Variants in XPNPEP1 observed in about 807,000 individuals in gnomAD.
XPNPEP1 encodes the protein X-prolyl aminopeptidase 1, also known as xaa-Pro aminopeptidase 1.
Under a neutral mutation model 92.4 loss-of-function variants are expected in XPNPEP1, and 39 were observed. The observed-to-expected ratio is 0.42, with a 90% CI of 0.33 to 0.55. The LOEUF (loss-of-function observed/expected upper bound fraction) is 0.55, where lower values mean the gene tolerates loss of function less well. XPNPEP1 is among the 20% of genes least tolerant of loss of function. The pLI, the probability that XPNPEP1 is intolerant of heterozygous loss-of-function variation, is 0.08. For missense variants in XPNPEP1, 654 were observed against 856.1 expected (o/e 0.76, Z 2.95); for synonymous variants, 307 against 299.4 (o/e 1.03, Z -0.26).
At chr10:109,902,379 G>A (rs1849331886) in intron 3 of XPNPEP1, among the ~76,000 whole-genome samples, 5 of 152,250 alleles carry the variant, frequency 3.3e-5, no homozygotes, top group Admixed American at 3.3e-4. Flanking sequence ...GACCCAGAAA[G>A]TTTAATTGAC....
At chr10:109,901,175 T>C (rs1849268608) in intron 3 of XPNPEP1, among the ~76,000 whole-genome samples, 1 of 145,470 alleles carries the variant, frequency 6.9e-6, no homozygotes, top group Non-Finnish European at 1.5e-5. Context: ...GAGCAAACTA[T>C]CGCAAGGACA....
At chr10:109,865,532 A>G (rs1405164184) in intron 20 of XPNPEP1, among the ~76,000 whole-genome samples, 3 of 152,214 alleles carry the variant, frequency 2.0e-5, no homozygotes, top group Admixed American at 6.5e-5. Flanking sequence ...AAAGGCTCCC[A>G]GAACAGTTTA....
chr10:109,905,107 T>C (rs1849486959), intron 3 of XPNPEP1, among the ~76,000 whole-genome samples: 1 of 152,156 alleles, frequency 6.6e-6, no homozygotes, highest in South Asian at 2.1e-4. Flanking sequence ...CTGTCATATG[T>C]TACAACATGG....
intron 3 of XPNPEP1, among the ~76,000 whole-genome samples, chr10:109,897,914 A>G (rs1270340538): frequency 6.6e-6 from 1 of 152,114 alleles, no homozygotes; most frequent in Non-Finnish European, 1.5e-5. Context: ...TCGACCTCCC[A>G]AAGTGCTGGG....
intron 10 of XPNPEP1, among the ~76,000 whole-genome samples, chr10:109,882,209 C>T (rs1165081448): frequency 6.6e-6 from 1 of 152,088 alleles, no homozygotes; most frequent in Non-Finnish European, 1.5e-5. Context: ...ATAATGTGTA[C>T]CACCTAAAAT....
intron 18 of XPNPEP1, 53 bp downstream of exon 18, chr10:109,870,678 C>T: frequency 2.6e-6 from 4 of 1,537,826 alleles, no homozygotes; most frequent in Non-Finnish European, 2.6e-6. Flanking sequence ...CAACGAATAG[C>T]TTTCAAAAAG....
chr10:109,913,227 G>A (rs1005138274), intron 2 of XPNPEP1, among the ~76,000 whole-genome samples: 2 of 152,218 alleles, frequency 1.3e-5, no homozygotes, highest in East Asian at 1.9e-4. Context: ...ATTTTTCACT[G>A]ATTGTACATG....
intron 3 of XPNPEP1, among the ~76,000 whole-genome samples, chr10:109,902,288 T>A (rs190419681): frequency 3.0e-4 from 45 of 152,384 alleles, no homozygotes; most frequent in African/African-American, 9.6e-4. Flanking sequence ...ATCTACAGTA[T>A]GAACCCATTT....
intron 3 of XPNPEP1, among the ~76,000 whole-genome samples, chr10:109,902,351 T>C (rs1419925760): frequency 6.6e-6 from 1 of 152,248 alleles, no homozygotes; most frequent in African/African-American, 2.4e-5. Context: ...ATCTCCTTTT[T>C]GCGAATGCAG....
intron 15 of XPNPEP1, 178 bp from the exon 16 acceptor site, chr10:109,873,605 T>C (rs1001795315): frequency 6.5e-6 from 4 of 614,600 alleles, no homozygotes; most frequent in Non-Finnish European, 8.5e-6. Flanking sequence ...AGTCACCATA[T>C]GACCCAGTAA....
At chr10:109,893,214 T>G (rs551267241) in intron 3 of XPNPEP1, 139 bp from the exon 4 acceptor site, 371 of 696,806 alleles carry the variant, frequency 5.3e-4, no homozygotes, top group Non-Finnish European at 7.6e-4. Flanking sequence ...AAGCCAACAG[T>G]CTAGCTGAAA....
chr10:109,888,556 C>T lies in XPNPEP1; in HGVS notation c.455G>A (p.Ser152Asn), dbSNP rs1386184000. The T allele has an allele frequency of 1.2e-6, 2 of 1,611,402 alleles. No homozygotes were observed. Among genetic ancestry groups the T allele is most frequent in the Non-Finnish European group, 8.5e-7 (1 of 1,178,796 alleles). ...AACCCTGGATCCTTCAGGAAGCACA[C>T]TCACCAGCCAGTCTTCCTGAGTTGG... ...DTPTQEDWLV[S>N]VLPEGSRVGV... Residue 152 changes from serine to asparagine, a missense_variant, in exon 6 of 21, where the codon AGT becomes AAT. Physicochemically the swap from Ser to Asn is conservative, Grantham distance 46 (BLOSUM62 1). Transcript: ENST00000502935.
At chr10:109,875,952 C>T (rs959317097) in intron 14 of XPNPEP1, 11 of 204,268 alleles carry the variant, frequency 5.4e-5, no homozygotes, top group Admixed American at 1.1e-4. Context: ...TAGCTAGAGT[C>T]CTGGGAACTG....
At chr10:109,895,146 G>A (rs1848916312) in intron 3 of XPNPEP1, among the ~76,000 whole-genome samples, 1 of 152,216 alleles carries the variant, frequency 6.6e-6, no homozygotes, top group Non-Finnish European at 1.5e-5. Context: ...TAACTCTTGT[G>A]CTAAAAATCA....
intron 8 of XPNPEP1, chr10:109,884,462 C>A: frequency 4.4e-6 from 1 of 229,396 alleles, no homozygotes; most frequent in Non-Finnish European, 8.5e-6. Context: ...CTAGTGGTGA[C>A]CTGCCAGGCC....
intron 1 of XPNPEP1, among the ~76,000 whole-genome samples, chr10:109,916,529 C>T (rs1191444624): frequency 1.3e-5 from 2 of 152,202 alleles, no homozygotes; most frequent in African/African-American, 4.8e-5. Flanking sequence ...CAGAGAGGGA[C>T]ACATTAGCTC....
intron 3 of XPNPEP1, among the ~76,000 whole-genome samples, chr10:109,902,233 A>G (rs1026520798): frequency 6.6e-6 from 1 of 152,276 alleles, no homozygotes; most frequent in African/African-American, 2.4e-5. Flanking sequence ...TTCAAGTGAC[A>G]TCAAGCATTC....
intron 1 of XPNPEP1, among the ~76,000 whole-genome samples, chr10:109,918,481 G>A (rs1850310649): frequency 6.6e-6 from 1 of 151,192 alleles, no homozygotes; most frequent in Non-Finnish European, 1.5e-5. Context: ...ACACAAATGG[G>A]CCGGGCACGG....
At chr10:109,910,712 T>C (rs991095655) in intron 2 of XPNPEP1, among the ~76,000 whole-genome samples, 11 of 152,224 alleles carry the variant, frequency 7.2e-5, no homozygotes, top group Non-Finnish European at 1.3e-4. Flanking sequence ...CTGGTAATCA[T>C]GAATAAAGCT....
Sources: gnomAD v4.1 joint callset for allele counts (sites outside exome capture counted in the v4.1 genomes callset) on GRCh38, gnomAD v4.1.1 for gene constraint, MANE v1.5 for transcripts, NCBI Gene and HGNC (gene_info 2026-07-23, HGNC 2026-07-21) for gene names.